Variants in MRPS28 observed in about 807,000 individuals in gnomAD.
The protein encoded by MRPS28 is mitochondrial ribosomal protein S28, also known as small ribosomal subunit protein bS1m.
MRPS28 carries 7 observed loss-of-function variants against 10.8 expected under a neutral mutation model. The ratio of observed to expected loss-of-function variants is 0.65; its 90% CI spans 0.37 to 1.22. The LOEUF is 1.22. MRPS28 is among the 50% of genes most tolerant of loss of function. MRPS28 has a pLI of 0.02. For synonymous variants in MRPS28, 121 were observed against 93.3 expected (o/e 1.30, Z -1.71); for missense variants, 265 against 232.9 (o/e 1.14, Z -0.90).
At chr8:79,952,442 T>C (rs191592549) in intron 2 of MRPS28, among the ~76,000 whole-genome samples, 8 of 152,170 alleles carry the variant, frequency 5.3e-5, no homozygotes, top group Admixed American at 3.9e-4. Flanking sequence ...AGAGTAGAAA[T>C]GTTGCCTCAC....
At chr8:79,970,879 T>C (rs1807613637) in intron 2 of MRPS28, among the ~76,000 whole-genome samples, 2 of 152,230 alleles carry the variant, frequency 1.3e-5, no homozygotes, top group Non-Finnish European at 1.5e-5. Flanking sequence ...GCATGTTTTA[T>C]AAAGAAATAA....
intron 2 of MRPS28, among the ~76,000 whole-genome samples, chr8:79,962,510 T>A (rs1807398112): frequency 6.6e-6 from 1 of 152,112 alleles, no homozygotes; most frequent in African/African-American, 2.4e-5. Flanking sequence ...ATTAGAAAAA[T>A]CTTTAGGTTA....
chr8:79,981,311 C>G (rs987740400), intron 2 of MRPS28, among the ~76,000 whole-genome samples: 1 of 152,038 alleles, frequency 6.6e-6, no homozygotes, highest in Non-Finnish European at 1.5e-5. Context: ...GGCAACACAG[C>G]GACACCCTGT....
Position 79,993,979 on chromosome 8 carries a change from T to C in MRPS28, c.395+9020A>G, listed in dbSNP as rs371612379. ...GATTCAGTGCACGTGCCAGTTACCT[T>C]AGAGCTGCCAATCATGCTTGTTTTG... On this transcript the variant is annotated intron_variant, in intron 2 of 2. Transcript: ENST00000276585. Among the ~76,000 whole-genome samples the C allele has an allele frequency of 1.3e-5, 2 of 152,198 alleles. 1 individual carries two copies. The highest frequency in any genetic ancestry group is 1.3e-4 in the Admixed American group (2 of 15,276).
chr8:79,931,670 T>TA (rs1185748375), intron 2 of MRPS28, among the ~76,000 whole-genome samples: 1 of 152,222 alleles, frequency 6.6e-6, no homozygotes, highest in Non-Finnish European at 1.5e-5. Context: ...CCAGTCAGGA[T>TA]AGGCCTTGAT....
At chr8:79,966,827 T>G (rs74338845) in intron 2 of MRPS28, among the ~76,000 whole-genome samples, 2,936 of 152,270 alleles carry the variant, frequency 0.019, 37 homozygotes, top group Middle Eastern at 0.037. Flanking sequence ...TATTTTTTCA[T>G]GATAATAAAC....
intron 2 of MRPS28, among the ~76,000 whole-genome samples, chr8:79,930,633 G>A (rs1488861927): frequency 6.6e-6 from 1 of 152,176 alleles, no homozygotes; most frequent in African/African-American, 2.4e-5. Flanking sequence ...TGTTGACAAT[G>A]TGTTACTTAG....
chr8:79,990,245 C>T (rs1808321276), intron 2 of MRPS28, among the ~76,000 whole-genome samples: 1 of 152,176 alleles, frequency 6.6e-6, no homozygotes, highest in Admixed American at 6.5e-5. Context: ...CCCCACTTCC[C>T]TACGGCTGTG....
chr8:80,030,065 G>A lies in MRPS28; in HGVS notation c.184C>T (p.Leu62Phe), dbSNP rs1809615066. The A allele has an allele frequency of 1.2e-6, 2 of 1,613,586 alleles. No homozygotes were observed. The highest frequency in any genetic ancestry group is 1.1e-5 in the South Asian group (1 of 91,010). ...FASALERHSELLQKVEPLQKG... is the reference protein window; with the variant it reads ...FASALERHSEFLQKVEPLQKG... ...TGTAGGGGCTCCACCTTCTGTAGAA[G>A]CTCCGAGTGCCGCTCCAACGCGCTC... The change falls in exon 1 of 3, where the codon CTT becomes TTT. Residue 62 changes from leucine to phenylalanine, a missense_variant. Transcript: ENST00000276585.
chr8:79,948,860 T>C (rs1302589354), intron 2 of MRPS28, among the ~76,000 whole-genome samples: 2 of 152,222 alleles, frequency 1.3e-5, no homozygotes, highest in Admixed American at 6.5e-5. Flanking sequence ...TATTTCTTGA[T>C]TGTTACCATT....
At chr8:80,003,732 C>T (rs1808737362) in intron 1 of MRPS28, among the ~76,000 whole-genome samples, 1 of 152,162 alleles carries the variant, frequency 6.6e-6, no homozygotes, top group Non-Finnish European at 1.5e-5. Context: ...AATTCCCTTT[C>T]CTAGCCAAGG....
In MRPS28 at chr8:79,938,740, A is replaced by C. The variant is rs546960342; in HGVS notation, c.396-19592T>G. 6.6e-5 allele frequency among the ~76,000 whole-genome samples: 10 copies of C among 152,312 alleles called. No homozygotes were observed. The South Asian group carries it at 1.0e-3, about 16-fold the overall frequency. ...CGGAAAATTCTGTTGCAAGTCTGTC[A>C]AAAAGCTACCTTAGACTGTCAAATA... On this transcript the variant is annotated intron_variant, in intron 2 of 2. Coordinates refer to ENST00000276585, the MANE Select transcript of MRPS28 (RefSeq NM_014018.3).
chr8:79,988,796 C>A (rs984040442), intron 2 of MRPS28, among the ~76,000 whole-genome samples: 1 of 152,126 alleles, frequency 6.6e-6, no homozygotes, highest in Non-Finnish European at 1.5e-5. Flanking sequence ...AGGGTTAGAA[C>A]CTAGATCTCT....
intron 2 of MRPS28, among the ~76,000 whole-genome samples, chr8:79,946,612 T>C (rs1489192523): frequency 2.0e-5 from 3 of 152,150 alleles, no homozygotes; most frequent in Non-Finnish European, 4.4e-5. Flanking sequence ...AAATAAACCA[T>C]TATATTTACA....
At chr8:79,940,566 CA>C (rs1806740290) in intron 2 of MRPS28, among the ~76,000 whole-genome samples, 3 of 152,204 alleles carry the variant, frequency 2.0e-5, no homozygotes, top group Non-Finnish European at 4.4e-5. Flanking sequence ...AACTATACAG[CA>C]GAATCTTTCT....
At chr8:79,981,690 G>A (rs994461822) in intron 2 of MRPS28, among the ~76,000 whole-genome samples, 19 of 152,228 alleles carry the variant, frequency 1.2e-4, no homozygotes, top group South Asian at 8.3e-4. Context: ...ACTTAAAATC[G>A]TATCTTCCAC....
At chr8:79,972,156 A>G (rs1807651270) in intron 2 of MRPS28, among the ~76,000 whole-genome samples, 1 of 152,398 alleles carries the variant, frequency 6.6e-6, no homozygotes, top group East Asian at 1.9e-4. Context: ...ATAAAAATAT[A>G]ACAAAATATA....
chr8:79,990,250 G>A (rs1255519930), intron 2 of MRPS28, among the ~76,000 whole-genome samples: 2 of 152,012 alleles, frequency 1.3e-5, no homozygotes, highest in Non-Finnish European at 2.9e-5. Context: ...CTTCCCTACG[G>A]CTGTGACCTC....
intron 1 of MRPS28, among the ~76,000 whole-genome samples, chr8:80,025,643 T>C (rs763366729): frequency 1.3e-5 from 2 of 152,172 alleles, no homozygotes; most frequent in Non-Finnish European, 2.9e-5. Context: ...AAACTGCAAT[T>C]TTCAGCAGCA....
Sources: allele counts gnomAD v4.1 joint callset (sites outside exome capture counted in the v4.1 genomes callset), GRCh38; gene constraint gnomAD v4.1.1; transcripts MANE v1.5; gene names NCBI Gene and HGNC (gene_info 2026-07-23, HGNC 2026-07-21).